Variants in CSF2RA observed in about 807,000 individuals in gnomAD.
The protein encoded by CSF2RA is granulocyte-macrophage colony-stimulating factor receptor subunit alpha.
CSF2RA carries 42 observed loss-of-function variants against 51.6 expected under a neutral mutation model. The ratio of observed to expected loss-of-function variants is 0.81; its 90% confidence interval spans 0.64 to 1.05. The LOEUF (loss-of-function observed/expected upper bound fraction) is 1.05, where lower values mean the gene tolerates loss of function less well. CSF2RA is among the 50% of genes least tolerant of loss of function. The pLI is 0.00. For missense variants in CSF2RA, 530 were observed against 501.1 expected (o/e 1.06, Z -0.55); for synonymous variants, 222 against 193.0 (o/e 1.15, Z -1.24).
At chrX:1,320,828 G>A in the CSF2RA span, among the ~76,000 whole-genome samples, 2 of 149,618 alleles carry the variant, frequency 1.3e-5, no homozygotes. Flanking sequence ...TCAACCTTAT[G>A]ATCTCTGTTT....
intron 2 of CSF2RA, among the ~76,000 whole-genome samples, chrX:1,277,272 C>A (rs2089299033): frequency 6.6e-6 from 1 of 151,910 alleles, no homozygotes; most frequent in African/African-American, 2.4e-5. Context: ...GATCCAGCCC[C>A]CAAGAGGGGG....
At chrX:1,317,273 C>T in the CSF2RA span, among the ~76,000 whole-genome samples, 5 of 14,678 alleles carry the variant, frequency 3.4e-4, no homozygotes, top group African/African-American at 1.8e-3. Flanking sequence ...TTTTTTGAGA[C>T]AGAGTCTTGT....
intron 11 of CSF2RA, among the ~76,000 whole-genome samples, chrX:1,305,124 G>T (rs28674924): frequency 6.6e-6 from 1 of 151,140 alleles, no homozygotes; most frequent in African/African-American, 2.4e-5. Flanking sequence ...CTCCTGAATA[G>T]CTGGGATTAC....
In CSF2RA at chrX:1,294,479, G is replaced by A. The variant is rs756138749; in HGVS notation, c.780+18G>A. 21 of 1,613,494 alleles carry A rather than the reference G, an allele frequency of 1.3e-5. No homozygotes were observed. Among genetic ancestry groups the A allele is most frequent in the Middle Eastern group, 1.7e-4 (1 of 5,946 alleles). On this transcript the variant is annotated intron_variant, in intron 8 of 12. Transcript: ENST00000381529. ...ACAGAAAGGTCGGTGAGAGCTCCCC[G>A]GGGCTGGGCACCAGGAGGGAGGCGT...
In CSF2RA at chrX:1,285,928, G is replaced by C. The variant is rs191843818; in HGVS notation, c.219+8G>C. 2 of 1,613,750 alleles carry C rather than the reference G, an allele frequency of 1.2e-6. No individual in the cohort carries two copies. Among genetic ancestry groups the C allele is most frequent in the African/African-American group, 1.3e-5 (1 of 74,998 alleles). On this transcript the variant is annotated splice_region_variant and intron_variant, in intron 4 of 12. Transcript: ENST00000381529. ...AGAGTCGTGGAACCCAGGGTGAGAC[G>C]AATTTCCCATTCTCAACCCCTGTCC... is the stretch of plus-strand genomic sequence containing the variant.
intron 4 of CSF2RA, 45 bp downstream of exon 4, chrX:1,285,965 CT>C: frequency 6.2e-7 from 1 of 1,613,266 alleles, no homozygotes; most frequent in Non-Finnish European, 8.5e-7. Flanking sequence ...TTACACACCC[CT>C]TTCTGAGTTA....
intron 3 of CSF2RA, among the ~76,000 whole-genome samples, chrX:1,285,275 G>A (rs1289430798): frequency 1.3e-5 from 2 of 151,996 alleles, no homozygotes; most frequent in South Asian, 2.1e-4. Context: ...TGAAAAGGAG[G>A]GAAGATGGAC....
intron 6 of CSF2RA, chrX:1,289,166 C>A: frequency 2.1e-6 from 1 of 480,472 alleles, no homozygotes. Context: ...CTCTGTCGCC[C>A]AGGCTGGAGT....
chrX:1,269,979 T>A (rs1443235269), intron 1 of CSF2RA, among the ~76,000 whole-genome samples: 2 of 150,260 alleles, frequency 1.3e-5, no homozygotes, highest in African/African-American at 2.4e-5. Flanking sequence ...TGTGGCAGTG[T>A]GTGCCTGTAA....
intron 2 of CSF2RA, among the ~76,000 whole-genome samples, chrX:1,277,504 G>C (rs2089333058): frequency 7.1e-6 from 1 of 139,874 alleles, no homozygotes; most frequent in Non-Finnish European, 1.5e-5. Flanking sequence ...ACAGAGGCAA[G>C]AGAATGGCGT....
At chrX:1,280,961 C>CCTTCTCCTCCTCCTT (rs2089903724) in intron 2 of CSF2RA, among the ~76,000 whole-genome samples, 86 of 69,672 alleles carry the variant, frequency 1.2e-3, no homozygotes, top group Middle Eastern at 8.1e-3. Flanking sequence ...TCCTCCTCCT[C>CCTTCTCCTCCTCCTT]CTTCTCCTCC....
chrX:1,301,620 C>T (rs1410937864), intron 10 of CSF2RA, among the ~76,000 whole-genome samples: 8 of 128,386 alleles, frequency 6.2e-5, no homozygotes, highest in African/African-American at 1.2e-4. Context: ...TTTTTTGAGA[C>T]GGCGTTTCGC....
At chrX:1,314,895 A>AACCTGCTCAACCCCACTTC, downstream of CSF2RA, among the ~76,000 whole-genome samples, 2 of 12,610 alleles carry the variant, frequency 1.6e-4, 1 homozygote, top group Non-Finnish European at 3.8e-4. Flanking sequence ...AACCACACTG[A>AACCTGCTCAACCCCACTTC]ACCTGCTCAA....
At chrX:1,318,217 G>A in the CSF2RA span, among the ~76,000 whole-genome samples, 1 of 150,548 alleles carries the variant, frequency 6.6e-6, no homozygotes, top group South Asian at 2.1e-4. Context: ...AGGTTGGAGT[G>A]CAATGGCGTG....
chrX:1,293,221 G>GTTTT (rs111278186), intron 7 of CSF2RA, among the ~76,000 whole-genome samples: 20 of 151,550 alleles, frequency 1.3e-4, no homozygotes, highest in African/African-American at 4.8e-4. Flanking sequence ...TTGTTTGTTT[G>GTTTT]TTTGTTTTTC....
At chrX:1,289,283 A>G (rs1228596410) in intron 6 of CSF2RA, among the ~76,000 whole-genome samples, 1 of 152,064 alleles carries the variant, frequency 6.6e-6, no homozygotes, top group East Asian at 1.9e-4. Flanking sequence ...GCACTCCACC[A>G]CACCTGTCTA....
At chrX:1,321,434 A>T in the CSF2RA span, among the ~76,000 whole-genome samples, 1 of 149,002 alleles carries the variant, frequency 6.7e-6, no homozygotes, top group South Asian at 2.2e-4. Context: ...GTGCCACTGC[A>T]CTCCAGCCTG....
intron 9 of CSF2RA, among the ~76,000 whole-genome samples, chrX:1,299,469 G>T (rs1325100358): frequency 6.6e-6 from 1 of 151,984 alleles, no homozygotes; most frequent in Non-Finnish European, 1.5e-5. Flanking sequence ...CTGTCCCCCA[G>T]GCTGGAGTGC....
rs1241477590 is a variant in CSF2RA, at chrX:1,288,499, G to T, written c.220-20G>T. The T allele has an allele frequency of 6.2e-7, 1 of 1,613,878 alleles. No individual in the cohort carries two copies. The highest frequency in any genetic ancestry group is 2.2e-5 in the East Asian group (1 of 44,874). On this transcript the variant is annotated intron_variant, in intron 4 of 12. Transcript: ENST00000381529. ...AGAAGGTTGTTTCCTAATCGGCTCT[G>T]TCTGGTTGCAATTCTTCAGCTCAGT... is the stretch of plus-strand genomic sequence containing the variant.
Sources: allele counts gnomAD v4.1 joint callset (sites outside exome capture counted in the v4.1 genomes callset), GRCh38; gene constraint gnomAD v4.1.1; transcripts MANE v1.5; gene names NCBI Gene and HGNC (gene_info 2026-07-23, HGNC 2026-07-21).